Variants in YWHAZ observed in about 807,000 individuals in gnomAD.
YWHAZ encodes 14-3-3 protein zeta/delta.
For missense variants in YWHAZ, 79 were observed against 284.8 expected (o/e 0.28, Z 5.20); for synonymous variants, 87 against 103.6 (o/e 0.84, Z 0.97).
chr8:100,926,816 G>C (rs1326419999), intron 2 of YWHAZ, among the ~76,000 whole-genome samples: 1 of 151,720 alleles, frequency 6.6e-6, no homozygotes, highest in African/African-American at 2.4e-5. Flanking sequence ...AACAGTGGAA[G>C]ACACTTGCAT....
At chr8:100,951,185 C>CCCCGCAGTGGACTCCCCT (rs1810737686) in intron 1 of YWHAZ, 1 of 985,230 alleles carries the variant, frequency 1.0e-6, no homozygotes, top group Admixed American at 6.1e-5. Flanking sequence ...CAAAACCTCA[C>CCCCGCAGTGGACTCCCCT]CCCGCAGTGG....
chr8:100,941,979 G>A (rs1433954658), intron 2 of YWHAZ, among the ~76,000 whole-genome samples: 1 of 152,054 alleles, frequency 6.6e-6, no homozygotes, highest in Non-Finnish European at 1.5e-5. Flanking sequence ...TCTTATGTTG[G>A]TCCGCTTAAC....
intron 1 of YWHAZ, chr8:100,950,339 T>TA (rs767798120): frequency 3.1e-6 from 3 of 979,604 alleles, no homozygotes; most frequent in Non-Finnish European, 3.6e-6. Context: ...TCTCACACAG[T>TA]AACGAGTGCT....
chr8:100,941,213 T>C (rs570702054), intron 2 of YWHAZ, among the ~76,000 whole-genome samples: 8 of 152,332 alleles, frequency 5.3e-5, no homozygotes, highest in African/African-American at 1.7e-4. Context: ...AGTAGGTATT[T>C]TGCATAATAT....
chr8:100,934,157 C>CCAA (rs1421774273), intron 2 of YWHAZ, among the ~76,000 whole-genome samples: 1 of 78,228 alleles, frequency 1.3e-5, no homozygotes, highest in African/African-American at 4.9e-5. Flanking sequence ...AGACTCGTCT[C>CCAA]AAAAAAAAAA....
intron 2 of YWHAZ, among the ~76,000 whole-genome samples, chr8:100,944,793 C>A (rs1323852136): frequency 6.6e-6 from 1 of 152,134 alleles, no homozygotes; most frequent in Non-Finnish European, 1.5e-5. Context: ...TCCCCACAAC[C>A]CTGTGGGATG....
intron 5 of YWHAZ, among the ~76,000 whole-genome samples, chr8:100,921,190 C>T (rs1813001989): frequency 6.6e-6 from 1 of 152,120 alleles, no homozygotes; most frequent in African/African-American, 2.4e-5. Context: ...TGTGCCACCA[C>T]ACCCATCTAA....
chr8:100,927,030 A>G (rs1056221710), intron 2 of YWHAZ, among the ~76,000 whole-genome samples: 7 of 152,242 alleles, frequency 4.6e-5, no homozygotes, highest in African/African-American at 1.4e-4. Context: ...TCAATGATTC[A>G]GTTATCTCAC....
upstream of YWHAZ, chr8:100,952,238 T>G: frequency 1.2e-6 from 1 of 829,492 alleles, no homozygotes. Context: ...GGCGCGCGCG[T>G]CCTCGCCCGC....
At chr8:100,949,615 G>A (rs1029936927) in intron 1 of YWHAZ, among the ~76,000 whole-genome samples, 1 of 152,092 alleles carries the variant, frequency 6.6e-6, no homozygotes, top group Non-Finnish European at 1.5e-5. Flanking sequence ...AAAAATATCC[G>A]CAAGTCATGA....
chr8:100,948,139 G>C lies in YWHAZ; in HGVS notation c.294+457C>G. On this transcript the variant is annotated intron_variant, in intron 2 of 5. Coordinates refer to ENST00000395958, the MANE Select transcript of YWHAZ (RefSeq NM_145690.3). The surrounding 1 kb of genome is among the most constrained non-coding windows in gnomAD (Gnocchi z 4.2). Reference sequence around the variant, plus strand: ...TGACGCCAGAGTTTTCTGCATGGTTGACTCATTACATTAACATTATAGCGG... The same window carrying C: ...TGACGCCAGAGTTTTCTGCATGGTTCACTCATTACATTAACATTATAGCGG... 2 of 1,534,256 alleles carry C rather than the reference G, an allele frequency of 1.3e-6. No individual in the cohort carries two copies. Among genetic ancestry groups the C allele is most frequent in the Non-Finnish European group, 1.7e-6 (2 of 1,146,506 alleles).
rs1812865364 is a variant in YWHAZ, at chr8:100,919,304, A to C, written c.*1389T>G. The C allele has an allele frequency of 6.6e-6, 1 of 152,640 alleles. No homozygotes were observed. The highest frequency in any genetic ancestry group is 1.5e-5 in the Non-Finnish European group (1 of 68,032). 9.5% of individuals were successfully genotyped at this position (152,640 alleles called of 1,614,324 possible). On this transcript the variant is annotated 3_prime_UTR_variant, in exon 6 of 6. Transcript: ENST00000395958. ...GTATCAAGAAATTCTTAAAAACCAA[A>C]AAGTGATTTGGAAGCACAAAACTTA...
chr8:100,927,137 C>A (rs868002131), intron 2 of YWHAZ, among the ~76,000 whole-genome samples: 7 of 152,158 alleles, frequency 4.6e-5, no homozygotes, highest in Middle Eastern at 3.2e-3. Context: ...ACAATAACAC[C>A]AGACACCATG....
chr8:100,928,715 A>G (rs991002151), intron 2 of YWHAZ, among the ~76,000 whole-genome samples: 1 of 152,082 alleles, frequency 6.6e-6, no homozygotes, highest in Non-Finnish European at 1.5e-5. Flanking sequence ...CCTGGGCAAC[A>G]AGAGTGAAAC....
intron 5 of YWHAZ, 63 bp downstream of exon 5, chr8:100,923,892 C>A: frequency 7.3e-7 from 1 of 1,368,930 alleles, no homozygotes; most frequent in Non-Finnish European, 9.8e-7. Context: ...AAAAAAAATT[C>A]CCTAGAGTAA....
intron 2 of YWHAZ, among the ~76,000 whole-genome samples, chr8:100,926,071 A>G (rs1813339930): frequency 6.6e-6 from 1 of 152,174 alleles, no homozygotes; most frequent in Admixed American, 6.5e-5. Context: ...ATTAGTTTAT[A>G]TAGCACCTAC....
intron 2 of YWHAZ, among the ~76,000 whole-genome samples, chr8:100,934,002 CA>C (rs796998453): frequency 1.3e-5 from 2 of 151,190 alleles, no homozygotes; most frequent in Non-Finnish European, 3.0e-5. Context: ...ACTAAAAATA[CA>C]AAAAATGAGG....
In YWHAZ at chr8:100,929,021, G is replaced by C. The variant is rs570926127; in HGVS notation, c.295-3982C>G. On this transcript the variant is annotated intron_variant, in intron 2 of 5. Transcript: ENST00000395958. ...TAAAGGTAAAACAGGAAACTAAAGA[G>C]GGTAACTTAGGTATTTTGTAGAGGA... Among the ~76,000 whole-genome samples the C allele has an allele frequency of 3.9e-5, 6 of 152,102 alleles. No individual in the cohort carries two copies. The South Asian group carries it at 1.2e-3, about 32-fold the overall frequency.
intron 1 of YWHAZ, chr8:100,951,306 C>G (rs1447769063): frequency 3.0e-6 from 3 of 984,622 alleles, no homozygotes; most frequent in Non-Finnish European, 3.6e-6. Context: ...GCGCTTGGGT[C>G]CCCGAGGCCC....
Sources: gnomAD v4.1 joint callset for allele counts (sites outside exome capture counted in the v4.1 genomes callset) on GRCh38, gnomAD v4.1.1 for gene constraint, Gnocchi (gnomAD v3.1) non-coding constraint, MANE v1.5 for transcripts, NCBI Gene and HGNC (gene_info 2026-07-23, HGNC 2026-07-21) for gene names.